The following ZSWIM5 variants were observed in gnomAD, a reference collection of about 807,000 sequenced individuals.
ZSWIM5 encodes zinc finger SWIM-type containing 5.
In ZSWIM5, 55 loss-of-function variants were observed where a neutral mutation model predicts 119.6. The ratio of observed to expected loss-of-function variants is 0.46; its 90% CI spans 0.37 to 0.58. The LOEUF (loss-of-function observed/expected upper bound fraction) is 0.58. ZSWIM5 is among the 20% of genes least tolerant of loss of function. ZSWIM5 has a pLI of 0.00. For synonymous variants in ZSWIM5, 537 were observed against 606.9 expected, an observed-to-expected ratio of 0.88 and a Z score of 1.69; for missense variants, 1,193 against 1,512.8, an observed-to-expected ratio of 0.79 and a Z score of 3.51.
At chr1:45,075,635 T>C (rs1210711910) in intron 2 of ZSWIM5, among the ~76,000 whole-genome samples, 1 of 151,618 alleles carries the variant, frequency 6.6e-6, no homozygotes, top group Non-Finnish European at 1.5e-5. Flanking sequence ...AACAGATCAC[T>C]GGGTCTAATT....
In ZSWIM5 at chr1:45,109,392, T is replaced by C. The variant is rs182689109; in HGVS notation, c.596-21155A>G. On this transcript the variant is annotated intron_variant, in intron 1 of 13. Transcript: ENST00000359600. ...TGGCCAGCATCTCCTTGTGTTCTTA[T>C]ATAGCTTTTAACTCCTTTGCTGCTC... Among the ~76,000 whole-genome samples, 13 of 152,320 alleles carry C rather than the reference T, an allele frequency of 8.5e-5. No homozygotes were observed. In the East Asian group the frequency reaches 2.3e-3, roughly 27 times the overall value.
intron 12 of ZSWIM5, 92 bp downstream of exon 12, chr1:45,020,533 G>T: frequency 1.4e-6 from 2 of 1,427,166 alleles, no homozygotes; most frequent in Non-Finnish European, 1.9e-6. Flanking sequence ...AGCCAGACTT[G>T]GCCTATGCCC....
At chr1:45,150,194 AAAAG>A (rs1645788510) in intron 1 of ZSWIM5, among the ~76,000 whole-genome samples, 1 of 151,468 alleles carries the variant, frequency 6.6e-6, no homozygotes, top group Non-Finnish European at 1.5e-5. Context: ...AAAAAAAAGA[AAAAG>A]AAAAGAAAAA....
intron 2 of ZSWIM5, among the ~76,000 whole-genome samples, chr1:45,081,928 C>T (rs905560743): frequency 6.6e-5 from 10 of 151,994 alleles, no homozygotes; most frequent in Admixed American, 2.0e-4. Context: ...GGATGGTTGC[C>T]GTGTCTGTGT....
intron 1 of ZSWIM5, among the ~76,000 whole-genome samples, chr1:45,187,545 C>CT (rs1404477919): frequency 1.3e-5 from 2 of 151,536 alleles, no homozygotes; most frequent in African/African-American, 4.9e-5. Flanking sequence ...GGTTTCTTAG[C>CT]TATACTATCA....
chr1:45,124,707 T>C (rs902512298), intron 1 of ZSWIM5, among the ~76,000 whole-genome samples: 1 of 152,176 alleles, frequency 6.6e-6, no homozygotes, highest in African/African-American at 2.4e-5. Context: ...AAGTATATCC[T>C]GTCTAGAAGG....
intron 1 of ZSWIM5, among the ~76,000 whole-genome samples, chr1:45,124,118 CCAAA>C (rs1170160494): frequency 2.0e-5 from 3 of 151,752 alleles, no homozygotes; most frequent in African/African-American, 7.3e-5. Flanking sequence ...AGGAAGTTTC[CCAAA>C]CAGAGGGGAA....
At chr1:45,047,032 A>G (rs914582498) in intron 5 of ZSWIM5, among the ~76,000 whole-genome samples, 81 of 151,968 alleles carry the variant, frequency 5.3e-4, no homozygotes, top group African/African-American at 1.7e-3. Context: ...AAAAAAAAAA[A>G]AAAAAAGAAA....
chr1:45,179,221 T>C (rs953279501), intron 1 of ZSWIM5, among the ~76,000 whole-genome samples: 1 of 152,048 alleles, frequency 6.6e-6, no homozygotes, highest in Non-Finnish European at 1.5e-5. Context: ...AACAGTGGGT[T>C]GAATAAAGAA....
intron 1 of ZSWIM5, among the ~76,000 whole-genome samples, chr1:45,136,864 G>T (rs1195021174): frequency 6.6e-6 from 1 of 152,022 alleles, no homozygotes; most frequent in East Asian, 1.9e-4. Context: ...TTTACCAGGG[G>T]CTCTCCTCCT....
At position 45,088,117 on chromosome 1, in the gene ZSWIM5, T is replaced by G; in HGVS notation, c.716A>C (p.Asn239Thr). ...KITSVTCGCG[N>T]KDIFYCAHVV... ...ATGGGCACAGTAGAATATGTCCTTG[T>G]TCCCACAGCCACATGTCACTGAGGT... The change falls in exon 2 of 14, where the codon AAC (asparagine) becomes ACC (threonine). Residue 239 changes from asparagine to threonine, a missense_variant. By Grantham distance (65) the Asn-to-Thr change is moderately conservative (BLOSUM62 0). Around this residue, in one of 2 missense-constraint regions of ZSWIM5, gnomAD observed 961 missense variants for 1,290.0 expected, o/e 0.74. Transcript: ENST00000359600. This position sits in a 1 kb window ranked among gnomAD's most constrained non-coding sequence, Gnocchi z 4.2. 6.2e-7 allele frequency: 1 copy of G among 1,614,218 alleles called. No homozygotes were observed. The highest frequency in any genetic ancestry group is 1.3e-5 in the African/African-American group (1 of 75,068).
chr1:45,173,068 G>A (rs1184730388), intron 1 of ZSWIM5, among the ~76,000 whole-genome samples: 1 of 152,104 alleles, frequency 6.6e-6, no homozygotes, highest in East Asian at 1.9e-4. Flanking sequence ...GGGAGGCTGA[G>A]GCAGGAGGAT....
intron 5 of ZSWIM5, among the ~76,000 whole-genome samples, chr1:45,044,776 A>AATAT (rs1218064389): frequency 1.8e-3 from 2 of 1,114 alleles, no homozygotes; most frequent in African/African-American, 2.2e-3. Flanking sequence ...TATATATATA[A>AATAT]ATATATATAT....
chr1:45,181,574 C>A (rs1216234544), intron 1 of ZSWIM5, among the ~76,000 whole-genome samples: 2 of 151,984 alleles, frequency 1.3e-5, no homozygotes, highest in Non-Finnish European at 1.5e-5. Flanking sequence ...TCTGGAAATA[C>A]AGAGAACGCC....
intron 1 of ZSWIM5, among the ~76,000 whole-genome samples, chr1:45,127,685 C>T (rs1232566934): frequency 6.6e-5 from 10 of 152,064 alleles, no homozygotes; most frequent in East Asian, 1.9e-4. Context: ...GCCATCCTTC[C>T]GCCTCAGCCT....
intron 1 of ZSWIM5, among the ~76,000 whole-genome samples, chr1:45,130,276 G>T (rs1193464520): frequency 6.6e-6 from 1 of 152,128 alleles, no homozygotes; most frequent in Non-Finnish European, 1.5e-5. Context: ...TTAATAGGAT[G>T]AAAGGACAAG....
chr1:45,199,882 A>T (rs1485312236), intron 1 of ZSWIM5, among the ~76,000 whole-genome samples: 2 of 152,248 alleles, frequency 1.3e-5, no homozygotes, highest in African/African-American at 4.8e-5. Context: ...AAAAACAGGT[A>T]AACAATTATT....
chr1:45,177,586 ATTCTCTC>A, intron 1 of ZSWIM5, among the ~76,000 whole-genome samples: 1 of 152,082 alleles, frequency 6.6e-6, no homozygotes, highest in Non-Finnish European at 1.5e-5. Flanking sequence ...ATAAAAGGGG[ATTCTCTC>A]TGCTGCTTTA....
chr1:45,018,796 T>C lies in ZSWIM5; in HGVS notation c.3216A>G (p.Thr1072=). 6.2e-7 allele frequency: 1 copy of C among 1,614,258 alleles called. No homozygotes were observed. Among genetic ancestry groups the C allele is most frequent in the South Asian group, 1.1e-5 (1 of 91,092 alleles). Residue 1072 remains threonine (T), a synonymous_variant, in exon 14 of 14, where the codon ACA becomes ACG. Transcript: ENST00000359600. The surrounding 1 kb of genome is among the most constrained non-coding windows in gnomAD (Gnocchi z 6.7). Reference sequence around the variant, plus strand: ...AGCGTCGTAAGATGTCTGAAAGCACTGTGGCACAGTGCACACTCTTCACCA... The same window carrying C: ...AGCGTCGTAAGATGTCTGAAAGCACCGTGGCACAGTGCACACTCTTCACCA... ...PLVVKSVHCA[T]VLSDILRRCT... is the part of the protein sequence containing the mutation.
Sources: allele counts gnomAD v4.1 joint callset (sites outside exome capture counted in the v4.1 genomes callset), GRCh38; gene constraint gnomAD v4.1.1; regional missense constraint gnomAD v4.1.1; non-coding constraint Gnocchi (gnomAD v3.1); transcripts MANE v1.5; gene names NCBI Gene and HGNC (gene_info 2026-07-23, HGNC 2026-07-21).